Variants in RIMS1 observed in about 807,000 individuals in gnomAD.
RIMS1 encodes the protein regulating synaptic membrane exocytosis protein 1.
Under a neutral mutation model 214.1 loss-of-function variants are expected in RIMS1, and 83 were observed. That is an observed-to-expected ratio of 0.39 (90% confidence interval 0.32 to 0.47). RIMS1 has a LOEUF of 0.47. Ranked by LOEUF, RIMS1 falls within the 20% of genes least tolerant of loss-of-function variation. RIMS1 has a pLI of 0.99. For synonymous variants in RIMS1, 793 were observed against 786.8 expected, an observed-to-expected ratio of 1.01 and a Z score of -0.13; for missense variants, 2,050 against 2,161.8, an observed-to-expected ratio of 0.95 and a Z score of 1.03.
At chr6:72,358,540 G>C (rs543914705) in intron 29 of RIMS1, among the ~76,000 whole-genome samples, 1 of 152,122 alleles carries the variant, frequency 6.6e-6, no homozygotes, top group Non-Finnish European at 1.5e-5. Context: ...CAGAGATTAC[G>C]TGGGGACAGA....
intron 13 of RIMS1, 96 bp downstream of exon 13, chr6:72,250,556 A>G (rs1348867495): frequency 2.4e-5 from 22 of 903,686 alleles, no homozygotes; most frequent in Non-Finnish European, 3.6e-5. Context: ...AATATAATAG[A>G]TAATTCTGAG....
At chr6:72,186,759 C>T (rs771786217) in intron 6 of RIMS1, among the ~76,000 whole-genome samples, 5 of 144,100 alleles carry the variant, frequency 3.5e-5, no homozygotes, top group South Asian at 4.5e-4. Context: ...ATTCTATGTC[C>T]GAACTGCATG....
intron 6 of RIMS1, among the ~76,000 whole-genome samples, chr6:72,212,032 A>T (rs868540297): frequency 2.6e-5 from 4 of 152,116 alleles, no homozygotes; most frequent in African/African-American, 9.7e-5. Context: ...AGGAAGTATG[A>T]AATATAGGCA....
At chr6:72,080,649 GC>G (rs1356992567) in intron 2 of RIMS1, among the ~76,000 whole-genome samples, 2 of 152,106 alleles carry the variant, frequency 1.3e-5, no homozygotes. Flanking sequence ...TTCCTCCTCT[GC>G]CCTTGCTCAG....
chr6:72,125,145 G>T (rs1401133916), intron 4 of RIMS1, among the ~76,000 whole-genome samples: 1 of 152,178 alleles, frequency 6.6e-6, no homozygotes, highest in African/African-American at 2.4e-5. Flanking sequence ...TGATGATGGT[G>T]ACATATAGAT....
At chr6:72,349,372 T>A (rs1411840905) in intron 29 of RIMS1, among the ~76,000 whole-genome samples, 1 of 152,074 alleles carries the variant, frequency 6.6e-6, no homozygotes, top group Non-Finnish European at 1.5e-5. Context: ...ATAATTATAC[T>A]ACATTTAGGA....
chr6:72,393,994 C>T (rs921439923), intron 31 of RIMS1, among the ~76,000 whole-genome samples: 12 of 145,582 alleles, frequency 8.2e-5, no homozygotes, highest in South Asian at 2.2e-4. Context: ...TTTGACCAAA[C>T]GAACTAAACG....
chr6:72,179,756 C>T lies in RIMS1; in HGVS notation c.653C>T (p.Ser218Phe). ...KKARLQERSR[S>F]QTPLSTAAAS... ...GCACGACTCCAAGAGCGATCGCGGT[C>T]TCAGACACCCCTAAGCACAGCAGCT... Residue 218 changes from serine to phenylalanine, a missense_variant, in exon 5 of 34, where the codon TCT becomes TTT. By Grantham distance (155) the Ser-to-Phe change is radical (BLOSUM62 -2). Coordinates refer to ENST00000521978, the MANE Select transcript of RIMS1 (RefSeq NM_014989.7). The T allele has an allele frequency of 6.2e-7, 1 of 1,613,868 alleles. No homozygotes were observed. The highest frequency in any genetic ancestry group is 8.5e-7 in the Non-Finnish European group (1 of 1,179,886).
At chr6:72,218,064 T>C (rs1475204352) in intron 6 of RIMS1, among the ~76,000 whole-genome samples, 1 of 151,760 alleles carries the variant, frequency 6.6e-6, no homozygotes, top group East Asian at 1.9e-4. Context: ...TTCAAAGGTA[T>C]GCAGTTTTCC....
intron 1 of RIMS1, among the ~76,000 whole-genome samples, chr6:71,942,847 A>T (rs1467911548): frequency 6.6e-6 from 1 of 152,094 alleles, no homozygotes; most frequent in African/African-American, 2.4e-5. Context: ...AACATGCACT[A>T]ATTTTGAGCA....
intron 22 of RIMS1, among the ~76,000 whole-genome samples, chr6:72,271,457 C>T (rs1222447767): frequency 6.6e-6 from 1 of 150,860 alleles, no homozygotes; most frequent in Non-Finnish European, 1.5e-5. Flanking sequence ...TGTTGTAATA[C>T]CTCATATTTT....
At chr6:72,011,572 T>C (rs377678469) in intron 2 of RIMS1, among the ~76,000 whole-genome samples, 35 of 152,104 alleles carry the variant, frequency 2.3e-4, no homozygotes, top group East Asian at 1.3e-3. Context: ...ATTTTTGCAA[T>C]CTACTCATCT....
chr6:72,307,161 A>C (rs550850174), intron 26 of RIMS1, 97 bp from the exon 27 acceptor site: 1 of 745,498 alleles, frequency 1.3e-6, no homozygotes, highest in Non-Finnish European at 2.3e-6. Flanking sequence ...AATTTTATTT[A>C]ATTGAAGTCA....
At chr6:72,390,449 A>C in intron 29 of RIMS1, 149 bp from the exon 30 acceptor site, 1 of 901,642 alleles carries the variant, frequency 1.1e-6, no homozygotes, top group South Asian at 2.0e-5. Context: ...AGGAGCCTGA[A>C]TCAAGCAAAG....
At chr6:72,090,113 A>G (rs951003840) in intron 2 of RIMS1, among the ~76,000 whole-genome samples, 3 of 151,894 alleles carry the variant, frequency 2.0e-5, no homozygotes, top group African/African-American at 4.8e-5. Flanking sequence ...TGGCACACGT[A>G]TACATATGTA....
chr6:72,187,802 T>C (rs972374476), intron 6 of RIMS1, among the ~76,000 whole-genome samples: 1 of 152,096 alleles, frequency 6.6e-6, no homozygotes, highest in African/African-American at 2.4e-5. Flanking sequence ...CAGAAATCTC[T>C]TGATGGAGAT....
At chr6:72,000,386 C>G (rs1233341158) in intron 2 of RIMS1, among the ~76,000 whole-genome samples, 1 of 152,102 alleles carries the variant, frequency 6.6e-6, no homozygotes, top group Non-Finnish European at 1.5e-5. Context: ...AGATTTATAA[C>G]ACTGTTTTTG....
intron 4 of RIMS1, among the ~76,000 whole-genome samples, chr6:72,173,424 T>C (rs1455805939): frequency 6.6e-6 from 1 of 152,138 alleles, no homozygotes; most frequent in Non-Finnish European, 1.5e-5. Context: ...GTTCTTTTTT[T>C]CTAGAACTTT....
chr6:71,919,962 A>C (rs1779525254), intron 1 of RIMS1, among the ~76,000 whole-genome samples: 1 of 152,182 alleles, frequency 6.6e-6, no homozygotes, highest in Non-Finnish European at 1.5e-5. Flanking sequence ...AACTCTGACT[A>C]TCATGACCAA....
Sources: gnomAD v4.1 joint callset for allele counts (sites outside exome capture counted in the v4.1 genomes callset) on GRCh38, gnomAD v4.1.1 for gene constraint, MANE v1.5 for transcripts, NCBI Gene and HGNC (gene_info 2026-07-23, HGNC 2026-07-21) for gene names.